The following CSMD1 variants were observed in gnomAD, a reference collection of about 807,000 sequenced individuals.
The protein encoded by CSMD1 is CUB and sushi domain-containing protein 1.
Under a neutral mutation model 417.5 loss-of-function variants are expected in CSMD1, and 213 were observed. The observed-to-expected ratio is 0.51, with a 90% CI of 0.46 to 0.57. The LOEUF is 0.57. CSMD1 is among the 20% of genes least tolerant of loss of function. CSMD1 has a pLI of 0.00. For synonymous variants in CSMD1, 2,862 were observed against 1,736.8 expected, an observed-to-expected ratio of 1.65 and a Z score of -16.11; for missense variants, 6,923 against 4,529.7, an observed-to-expected ratio of 1.53 and a Z score of -15.17.
intron 2 of CSMD1, among the ~76,000 whole-genome samples, chr8:4,490,562 A>T (rs1489610481): frequency 6.6e-6 from 1 of 152,208 alleles, no homozygotes; most frequent in Non-Finnish European, 1.5e-5. Flanking sequence ...AGGATATGAG[A>T]TGCAGAATTC....
chr8:4,658,379 G>A (rs1191841723), intron 1 of CSMD1, among the ~76,000 whole-genome samples: 1 of 152,046 alleles, frequency 6.6e-6, no homozygotes, highest in Non-Finnish European at 1.5e-5. Context: ...ATACACAACA[G>A]ATCCTTAGAA....
At chr8:4,528,697 A>G (rs1245284880) in intron 2 of CSMD1, among the ~76,000 whole-genome samples, 1 of 152,208 alleles carries the variant, frequency 6.6e-6, no homozygotes, top group Non-Finnish European at 1.5e-5. Flanking sequence ...CAATGTATAT[A>G]TTAATTATGT....
At chr8:3,035,655 C>G (rs1810627555) in intron 50 of CSMD1, among the ~76,000 whole-genome samples, 1 of 152,130 alleles carries the variant, frequency 6.6e-6, no homozygotes, top group East Asian at 1.9e-4. Flanking sequence ...TTTGGTCAAC[C>G]TGGGAAAATG....
At chr8:4,542,346 AACTT>A (rs908861666) in intron 2 of CSMD1, among the ~76,000 whole-genome samples, 1 of 145,640 alleles carries the variant, frequency 6.9e-6, no homozygotes, top group African/African-American at 2.4e-5. Flanking sequence ...AAAAGATACA[AACTT>A]ACTAACAAAA....
chr8:4,005,352 T>G (rs192443138), intron 4 of CSMD1, among the ~76,000 whole-genome samples: 1 of 152,300 alleles, frequency 6.6e-6, no homozygotes, highest in Admixed American at 6.5e-5. Context: ...GAAAACGTAA[T>G]GCAGGGGCGG....
intron 4 of CSMD1, among the ~76,000 whole-genome samples, chr8:4,028,871 C>G (rs1797200374): frequency 6.6e-6 from 1 of 152,272 alleles, no homozygotes; most frequent in East Asian, 1.9e-4. Context: ...ATAAATTTTT[C>G]TTAGGAAAGT....
intron 1 of CSMD1, among the ~76,000 whole-genome samples, chr8:4,964,081 G>A (rs571467873): frequency 9.9e-5 from 15 of 151,776 alleles, no homozygotes; most frequent in Non-Finnish European, 1.5e-5. Flanking sequence ...GGCTTTCTGG[G>A]TTTATTTTAT....
intron 50 of CSMD1, among the ~76,000 whole-genome samples, chr8:3,036,643 G>T (rs1810692474): frequency 6.6e-6 from 1 of 152,078 alleles, no homozygotes; most frequent in Admixed American, 6.5e-5. Context: ...TACCTTAGAA[G>T]CCTAAATAAC....
intron 9 of CSMD1, among the ~76,000 whole-genome samples, chr8:3,579,586 G>C (rs533498542): frequency 3.9e-5 from 6 of 152,206 alleles, no homozygotes; most frequent in Admixed American, 2.0e-4. Flanking sequence ...TTTACGTCCA[G>C]ATTGTGAACC....
At chr8:3,894,575 T>G (rs534824688) in intron 5 of CSMD1, among the ~76,000 whole-genome samples, 3 of 152,222 alleles carry the variant, frequency 2.0e-5, no homozygotes, top group Non-Finnish European at 2.9e-5. Flanking sequence ...TTCTACATCC[T>G]ATTGATTTGT....
At chr8:3,296,119 C>T (rs1387026029) in intron 25 of CSMD1, among the ~76,000 whole-genome samples, 5 of 151,890 alleles carry the variant, frequency 3.3e-5, no homozygotes, top group Non-Finnish European at 7.4e-5. Context: ...AAAAAGTAGA[C>T]AGGAAAAGAA....
At chr8:3,120,841 A>G (rs1585403001) in intron 41 of CSMD1, among the ~76,000 whole-genome samples, 1 of 152,206 alleles carries the variant, frequency 6.6e-6, no homozygotes. Context: ...GTGAGACTCC[A>G]TCACAAATAA....
At position 3,323,598 on chromosome 8, in the gene CSMD1, T is replaced by A. The variant is rs185739024; in HGVS notation, c.3632-15095A>T. ...ATACTCTTTGATTTTTTAAAAAAAT[T>A]TTATAGCATTTCAGTACTAAGAGTT... On this transcript the variant is annotated intron_variant, in intron 23 of 69. Coordinates refer to ENST00000635120, the MANE Select transcript of CSMD1 (RefSeq NM_033225.6). 2.8e-3 allele frequency among the ~76,000 whole-genome samples: 429 copies of A among 152,288 alleles called. 1 individual carries two copies. The highest frequency in any genetic ancestry group is 4.4e-3 in the Non-Finnish European group (298 of 68,024).
chr8:4,385,380 A>C (rs1390326477), intron 3 of CSMD1, among the ~76,000 whole-genome samples: 1 of 152,208 alleles, frequency 6.6e-6, no homozygotes, highest in East Asian at 1.9e-4. Flanking sequence ...CCCAGCCTTA[A>C]CATTTGTTCT....
intron 3 of CSMD1, among the ~76,000 whole-genome samples, chr8:4,084,722 C>T (rs1260038080): frequency 6.6e-6 from 1 of 151,568 alleles, no homozygotes; most frequent in East Asian, 2.0e-4. Flanking sequence ...AAAAGCAGCC[C>T]CTCTGCTCTC....
At chr8:3,816,435 T>A (rs1246167216) in intron 5 of CSMD1, among the ~76,000 whole-genome samples, 1 of 152,206 alleles carries the variant, frequency 6.6e-6, no homozygotes, top group Non-Finnish European at 1.5e-5. Flanking sequence ...TTGTATATAG[T>A]TATCATTGTT....
intron 1 of CSMD1, among the ~76,000 whole-genome samples, chr8:4,678,605 A>G (rs887230686): frequency 2.6e-5 from 4 of 152,194 alleles, no homozygotes; most frequent in African/African-American, 9.7e-5. Context: ...ATAAATTACA[A>G]TATGCATTTA....
intron 10 of CSMD1, among the ~76,000 whole-genome samples, chr8:3,539,555 C>T (rs532102042): frequency 1.0e-3 from 153 of 152,142 alleles, no homozygotes; most frequent in Non-Finnish European, 1.9e-3. Context: ...CAAGGAAAAG[C>T]GTGATTCAGA....
intron 6 of CSMD1, among the ~76,000 whole-genome samples, chr8:3,750,769 T>A (rs954741023): frequency 6.6e-6 from 1 of 152,162 alleles, no homozygotes; most frequent in Non-Finnish European, 1.5e-5. Flanking sequence ...TGGCAGGGAC[T>A]CTGAGAAGGG....
Sources: allele counts gnomAD v4.1 joint callset (sites outside exome capture counted in the v4.1 genomes callset), GRCh38; gene constraint gnomAD v4.1.1; transcripts MANE v1.5; gene names NCBI Gene and HGNC (gene_info 2026-07-23, HGNC 2026-07-21).